Variants in TERF1 observed in about 807,000 individuals in gnomAD.
The protein encoded by TERF1 is telomeric repeat binding factor 1.
In TERF1, 20 loss-of-function variants were observed where a neutral mutation model predicts 55.1. The observed-to-expected ratio is 0.36, with a 90% confidence interval of 0.26 to 0.53. The LOEUF is 0.53. TERF1 is among the 20% of genes least tolerant of loss of function. The pLI is 0.91. For synonymous variants in TERF1, 168 were observed against 181.2 expected, an observed-to-expected ratio of 0.93 and a Z score of 0.59; for missense variants, 439 against 535.7, an observed-to-expected ratio of 0.82 and a Z score of 1.78.
At chr8:73,038,776 A>G (rs1445150898) in intron 8 of TERF1, 1 of 971,972 alleles carries the variant, frequency 1.0e-6, no homozygotes, top group East Asian at 1.1e-4. Context: ...TATGCTTCTT[A>G]GTACTCCTAA....
rs775854291 is a variant in TERF1 at position 73,009,135 on chromosome 8, C to T, written c.249C>T (p.Cys83=). 2.5e-6 allele frequency: 4 copies of T among 1,611,204 alleles called. No homozygotes were observed. The African/African-American group carries it at 4.0e-5, about 16-fold the overall frequency. ...CCGGCTGGATGCTCGATTTCCTCTGCCTCTCTCTTTGCCGAGCTTTCCGCG... is the reference window on the plus strand; with the variant it reads ...CCGGCTGGATGCTCGATTTCCTCTGTCTCTCTCTTTGCCGAGCTTTCCGCG... ...VAAGWMLDFL[C]LSLCRAFRDG... The change falls in exon 1 of 10, where the codon TGC becomes TGT. Residue 83 remains cysteine, a synonymous_variant. Transcript: ENST00000276603.
chr8:73,028,138 C>T (rs148654948), intron 6 of TERF1, among the ~76,000 whole-genome samples: 2 of 152,296 alleles, frequency 1.3e-5, no homozygotes, highest in Admixed American at 1.3e-4. Context: ...GCCAAGCCAT[C>T]CTGCTCATGA....
In TERF1 at chr8:73,046,228, T is replaced by C. The variant is rs61632286; in HGVS notation, c.*91T>C. Reference sequence around the variant, plus strand: ...TTGTGTCATTGATGTAATTTAAAACTTTTGTTTAAAGCATTACAGTATTTT... The same window carrying C: ...TTGTGTCATTGATGTAATTTAAAACCTTTGTTTAAAGCATTACAGTATTTT... On this transcript the variant is annotated 3_prime_UTR_variant, in exon 10 of 10. Coordinates refer to ENST00000276603, the MANE Select transcript of TERF1 (RefSeq NM_017489.3). 3,747 of 1,218,078 alleles carry C rather than the reference T, an allele frequency of 3.1e-3. 88 individuals are homozygous for C. In the African/African-American group the frequency reaches 0.054, roughly 18 times the overall value. The allele number at this position is 1,218,078 out of a possible 1,614,324, so 75.5% of individuals were successfully genotyped here.
intron 9 of TERF1, among the ~76,000 whole-genome samples, chr8:73,045,267 T>C (rs1056707898): frequency 6.6e-6 from 1 of 152,198 alleles, no homozygotes; most frequent in Non-Finnish European, 1.5e-5. Context: ...TCTGAAGTGC[T>C]GGAGAATTTC....
intron 9 of TERF1, among the ~76,000 whole-genome samples, chr8:73,044,392 G>C (rs1439179850): frequency 6.6e-6 from 1 of 152,076 alleles, no homozygotes; most frequent in Non-Finnish European, 1.5e-5. Flanking sequence ...CTTCTGCATG[G>C]GTTTGGTTAC....
chr8:73,025,456 C>T (rs971899518), intron 5 of TERF1, among the ~76,000 whole-genome samples: 3 of 150,078 alleles, frequency 2.0e-5, no homozygotes, highest in African/African-American at 7.4e-5. Context: ...CAAAAAAATA[C>T]AAAAAAATTA....
intron 7 of TERF1, 184 bp downstream of exon 7, chr8:73,030,579 T>G (rs1462583041): frequency 2.4e-5 from 10 of 417,746 alleles, no homozygotes; most frequent in Admixed American, 4.5e-5. Context: ...AGACCTGCTC[T>G]GAGACTGGGT....
In TERF1 at chr8:73,047,849, T is replaced by C. The variant is rs1394520267; in HGVS notation, c.*1712T>C. The C allele has an allele frequency of 6.6e-6, 1 of 152,178 alleles. No homozygotes were observed. The highest frequency in any genetic ancestry group is 1.5e-5 in the Non-Finnish European group (1 of 68,026). The allele number at this position is 152,178 out of a possible 1,614,324, so 9.4% of individuals were successfully genotyped here. A position where few individuals can be genotyped will look rare whatever the true frequency, so the allele number is the denominator to read the frequency against. ...CCAAGGCTGGCATCATGAGCCAAAA[T>C]AGACTTGTTAAGTCAACCTCATTCC... On this transcript the variant is annotated 3_prime_UTR_variant, in exon 10 of 10. Coordinates refer to ENST00000276603, the MANE Select transcript of TERF1 (RefSeq NM_017489.3).
At chr8:73,025,967 G>C (rs962378676) in intron 5 of TERF1, among the ~76,000 whole-genome samples, 4 of 151,534 alleles carry the variant, frequency 2.6e-5, no homozygotes, top group African/African-American at 9.7e-5. Flanking sequence ...GGCCGAAATG[G>C]GTAGATCGCT....
chr8:73,020,753 A>G lies in TERF1; in HGVS notation c.485A>G (p.Glu162Gly), dbSNP rs199678997. Residue 162 changes from glutamate (E) to glycine (G), a missense_variant, in exon 3 of 10, where the codon GAA (glutamate) becomes GGA (glycine). Around this residue, in one of 4 missense-constraint regions of TERF1, gnomAD observed 95 missense variants for 167.2 expected, o/e 0.57. Coordinates refer to ENST00000276603, the MANE Select transcript of TERF1 (RefSeq NM_017489.3). ...GCCCTGATGATTTGGGGTTCAATTG[A>G]AAAGGAACATGACAAACTTCATGAA... Reference protein sequence around the residue: ...ESALMIWGSIEKEHDKLHEEI... With the variant: ...ESALMIWGSIGKEHDKLHEEI... 109 of 1,555,670 alleles carry G rather than the reference A, an allele frequency of 7.0e-5. No individual in the cohort carries two copies. The highest frequency in any genetic ancestry group is 9.2e-5 in the Non-Finnish European group (104 of 1,132,142).
chr8:73,029,117 A>G (rs1809163396), intron 6 of TERF1, among the ~76,000 whole-genome samples: 1 of 152,200 alleles, frequency 6.6e-6, no homozygotes, highest in Admixed American at 6.5e-5. Flanking sequence ...ACCAGTAAGG[A>G]TTCAAGTAAA....
chr8:73,038,864 C>T (rs1809714109), intron 8 of TERF1: 3 of 555,498 alleles, frequency 5.4e-6, no homozygotes, highest in Non-Finnish European at 7.4e-6. Flanking sequence ...AATGGAAAGA[C>T]AGGTTCAGGG....
At position 73,025,862 on chromosome 8, in the gene TERF1, C is replaced by T. The variant is rs142320897; in HGVS notation, c.774+891C>T. ...AGTGAGCTGAGGTTGAGCCACTGCA[C>T]TCCAGCCTGGGTGACAAAATGAGAC... On this transcript the variant is annotated intron_variant, in intron 5 of 9. Transcript: ENST00000276603. Among the ~76,000 whole-genome samples the T allele has an allele frequency of 1.4e-3, 207 of 150,618 alleles. 1 individual carries two copies. Among genetic ancestry groups the T allele is most frequent in the African/African-American group, 4.8e-3 (198 of 41,048 alleles).
At chr8:73,020,516 A>C (rs1189213951) in intron 2 of TERF1, among the ~76,000 whole-genome samples, 168 bp from the exon 3 acceptor site, 2 of 152,216 alleles carry the variant, frequency 1.3e-5, no homozygotes, top group Non-Finnish European at 2.9e-5. Context: ...ATTGATCTTA[A>C]TGAGCAAATT....
At chr8:73,031,696 G>C (rs1422698613) in intron 7 of TERF1, 1 of 161,628 alleles carries the variant, frequency 6.2e-6, no homozygotes, top group African/African-American at 2.4e-5. Context: ...AGCCATAAGA[G>C]AGAATGAAAG....
chr8:73,028,084 A>G (rs1809096704), intron 6 of TERF1, among the ~76,000 whole-genome samples: 1 of 152,178 alleles, frequency 6.6e-6, no homozygotes, highest in South Asian at 2.1e-4. Flanking sequence ...CTTTTGTTTC[A>G]AAAATCAAAG....
At chr8:73,038,852 A>G in intron 8 of TERF1, 1 of 652,050 alleles carries the variant, frequency 1.5e-6, no homozygotes, top group South Asian at 7.2e-5. Context: ...TTTTAAACAG[A>G]TAATGGAAAG....
At chr8:73,043,067 A>T (rs918549738) in intron 9 of TERF1, 1 of 152,126 alleles carries the variant, frequency 6.6e-6, no homozygotes, top group Non-Finnish European at 1.5e-5. Flanking sequence ...TACTGCCCTT[A>T]TGTTTTCTTT....
intron 2 of TERF1, among the ~76,000 whole-genome samples, chr8:73,020,243 A>G (rs771202657): frequency 6.6e-6 from 1 of 152,186 alleles, no homozygotes; most frequent in Non-Finnish European, 1.5e-5. Context: ...CAACTCTTTT[A>G]GGAAAGCTTA....
Sources: gnomAD v4.1 joint callset for allele counts (sites outside exome capture counted in the v4.1 genomes callset) on GRCh38, gnomAD v4.1.1 for gene constraint, gnomAD v4.1.1 regional missense constraint, MANE v1.5 for transcripts, NCBI Gene and HGNC (gene_info 2026-07-23, HGNC 2026-07-21) for gene names.